COG5: variants seen among roughly 807,000 people sequenced by gnomAD.
COG5 encodes conserved oligomeric Golgi complex subunit 5.
A neutral mutation model predicts 110.4 loss-of-function variants in COG5; 86 were observed. The observed-to-expected ratio is 0.78, with a 90% confidence interval of 0.65 to 0.93. COG5 has a LOEUF of 0.93. COG5 is among the 40% of genes least tolerant of loss of function. The pLI is 0.00. For missense variants in COG5, 1,077 were observed against 987.0 expected, an observed-to-expected ratio of 1.09 and a Z score of -1.22; for synonymous variants, 360 against 334.6, an observed-to-expected ratio of 1.08 and a Z score of -0.83.
chr7:107,517,943 G>A (rs551821520), intron 6 of COG5, among the ~76,000 whole-genome samples: 38 of 152,144 alleles, frequency 2.5e-4, no homozygotes, highest in African/African-American at 7.5e-4. Flanking sequence ...AGATCTGCCC[G>A]CCTCGGCGTC....
chr7:107,327,632 A>G (rs1246519210), intron 10 of COG5, among the ~76,000 whole-genome samples: 1 of 152,214 alleles, frequency 6.6e-6, no homozygotes, highest in African/African-American at 2.4e-5. Flanking sequence ...AAAACAGGCA[A>G]AGGACTTGAG....
At chr7:107,506,126 G>A (rs1034588509) in intron 6 of COG5, among the ~76,000 whole-genome samples, 2 of 152,214 alleles carry the variant, frequency 1.3e-5, no homozygotes, top group South Asian at 4.1e-4. Context: ...TAGAGGCAAT[G>A]GTGACAGGTA....
intron 8 of COG5, among the ~76,000 whole-genome samples, chr7:107,370,801 T>A (rs934495018): frequency 3.0e-5 from 4 of 135,270 alleles, no homozygotes; most frequent in African/African-American, 8.0e-5. Context: ...AAAAAAAAAA[T>A]TTATATATAT....
chr7:107,236,145 T>C (rs779722640), intron 18 of COG5, among the ~76,000 whole-genome samples: 33 of 152,258 alleles, frequency 2.2e-4, no homozygotes, highest in Middle Eastern at 3.4e-3. Flanking sequence ...GACAGTAAAA[T>C]AGTGAGAAAA....
At chr7:107,503,613 T>C (rs904013824) in intron 6 of COG5, among the ~76,000 whole-genome samples, 2 of 152,244 alleles carry the variant, frequency 1.3e-5, no homozygotes, top group Admixed American at 6.5e-5. Flanking sequence ...TTTCACAATA[T>C]TGATTCTTCC....
chr7:107,218,859 C>T (rs954153491), intron 19 of COG5, among the ~76,000 whole-genome samples: 5 of 151,866 alleles, frequency 3.3e-5, no homozygotes, highest in African/African-American at 1.2e-4. Flanking sequence ...AAAAAATAGA[C>T]AAATGGGATT....
chr7:107,288,905 G>GAGATAT (rs1286952663), intron 12 of COG5, among the ~76,000 whole-genome samples: 2 of 67,266 alleles, frequency 3.0e-5, no homozygotes, highest in African/African-American at 4.8e-5. Context: ...TTTTCTAACA[G>GAGATAT]AGATATATAT....
At position 107,258,524 on chromosome 7, in the gene COG5, T is replaced by A. The variant is rs1426312191; in HGVS notation, c.1576-141A>T. On this transcript the variant is annotated intron_variant, in intron 14 of 21. Transcript: ENST00000297135. ...GTTCATGCCCCTCTGACAAAGAGAA[T>A]GTTAACTGGAAATATTCAGGTCAAC... 4 of 682,696 alleles carry A rather than the reference T, an allele frequency of 5.9e-6. No homozygotes were observed. The East Asian group carries it at 8.1e-5, about 14-fold the overall frequency. The allele number at this position is 682,696 out of a possible 1,614,324, so 42.3% of individuals were successfully genotyped here.
intron 8 of COG5, among the ~76,000 whole-genome samples, chr7:107,363,172 G>C (rs1343120385): frequency 2.6e-5 from 4 of 152,164 alleles, no homozygotes; most frequent in African/African-American, 9.7e-5. Context: ...GAAAGTCAGA[G>C]AGACAATGGT....
chr7:107,460,870 G>C (rs1298307158), intron 6 of COG5, among the ~76,000 whole-genome samples: 2 of 151,902 alleles, frequency 1.3e-5, no homozygotes, highest in Non-Finnish European at 2.9e-5. Context: ...AATGTAAACT[G>C]ATTATTCAAA....
At chr7:107,457,859 C>A (rs1404668671) in intron 6 of COG5, among the ~76,000 whole-genome samples, 1 of 152,102 alleles carries the variant, frequency 6.6e-6, no homozygotes, top group Non-Finnish European at 1.5e-5. Flanking sequence ...ATAGCAGCAA[C>A]AACCACAACA....
In COG5 at chr7:107,219,486, T is replaced by G. The variant is rs557451811; in HGVS notation, c.2169-8261A>C. 5.9e-5 allele frequency among the ~76,000 whole-genome samples: 9 copies of G among 152,264 alleles called. No individual in the cohort carries two copies. The South Asian group carries it at 1.7e-3, about 28-fold the overall frequency. ...AAGAAAATATGACATATATACAAAA[T>G]AGAGTACTATTCAGCCTTCAAAAAG... is the stretch of plus-strand genomic sequence containing the variant. On this transcript the variant is annotated intron_variant, in intron 19 of 21. Transcript: ENST00000297135.
chr7:107,406,666 C>A (rs766018701), intron 7 of COG5, among the ~76,000 whole-genome samples: 1 of 151,954 alleles, frequency 6.6e-6, no homozygotes, highest in African/African-American at 2.4e-5. Flanking sequence ...TAAAAGTAAC[C>A]ATTCCTTTTT....
intron 18 of COG5, among the ~76,000 whole-genome samples, chr7:107,230,952 G>C (rs1038160668): frequency 1.3e-5 from 2 of 152,022 alleles, no homozygotes; most frequent in Non-Finnish European, 2.9e-5. Flanking sequence ...AAAGGAAAAA[G>C]TTTATATCAT....
At chr7:107,503,038 G>C (rs1379395892) in intron 6 of COG5, among the ~76,000 whole-genome samples, 1 of 151,922 alleles carries the variant, frequency 6.6e-6, no homozygotes, top group Non-Finnish European at 1.5e-5. Flanking sequence ...TATTTTTGTT[G>C]CATTTGCTTT....
chr7:107,270,320 C>T (rs1264665040), intron 14 of COG5, among the ~76,000 whole-genome samples: 1 of 150,320 alleles, frequency 6.7e-6, no homozygotes, highest in African/African-American at 2.5e-5. Context: ...AGTGCAGTGG[C>T]CATGATCTTG....
intron 16 of COG5, among the ~76,000 whole-genome samples, chr7:107,255,111 T>G (rs60581555): frequency 0.063 from 9,516 of 152,166 alleles, 351 homozygotes; most frequent in African/African-American, 0.096. Flanking sequence ...TGGGTAGTTA[T>G]CAAAAAAATG....
At chr7:107,417,167 C>T (rs114424386) in intron 6 of COG5, among the ~76,000 whole-genome samples, 2,200 of 152,292 alleles carry the variant, frequency 0.014, 52 homozygotes, top group African/African-American at 0.051. Flanking sequence ...TACACACCAA[C>T]TTTATAAAGA....
intron 9 of COG5, 30 bp downstream of exon 9, chr7:107,362,278 A>T (rs760410803): frequency 3.9e-6 from 6 of 1,535,902 alleles, no homozygotes; most frequent in Non-Finnish European, 5.4e-6. Context: ...AATCCATATT[A>T]ATGTTTTTTC....
Sources: allele counts gnomAD v4.1 joint callset (sites outside exome capture counted in the v4.1 genomes callset), GRCh38; gene constraint gnomAD v4.1.1; transcripts MANE v1.5; gene names NCBI Gene and HGNC (gene_info 2026-07-23, HGNC 2026-07-21).